NCK2: variants seen among roughly 807,000 people sequenced by gnomAD.
NCK2 encodes the protein cytoplasmic protein NCK2.
NCK2 carries 16 observed loss-of-function variants against 33.9 expected under a neutral mutation model. That is an observed-to-expected ratio of 0.47 (90% CI 0.32 to 0.72). The LOEUF is 0.72. Among genes scored for constraint, NCK2 ranks in the 30% least tolerant of loss-of-function variants. The pLI, the probability that NCK2 is intolerant of heterozygous loss-of-function variation, is 0.03. For synonymous variants in NCK2, 273 were observed against 239.9 expected (o/e 1.14, Z -1.27); for missense variants, 418 against 537.3 (o/e 0.78, Z 2.19).
At chr2:105,748,720 A>G (rs551476081) in intron 1 of NCK2, among the ~76,000 whole-genome samples, 149 of 152,210 alleles carry the variant, frequency 9.8e-4, no homozygotes, top group Admixed American at 2.2e-3. Context: ...ACCCTGCCCT[A>G]TGGTTTTTTT....
intron 3 of NCK2, 79 bp from the exon 4 acceptor site, chr2:105,881,249 G>A: frequency 1.3e-6 from 2 of 1,502,904 alleles, no homozygotes; most frequent in South Asian, 1.3e-5. Flanking sequence ...CAGAGAAACT[G>A]CGTGGAAATC....
At chr2:105,858,595 G>A (rs925318439) in intron 3 of NCK2, among the ~76,000 whole-genome samples, 2 of 152,042 alleles carry the variant, frequency 1.3e-5, no homozygotes, top group African/African-American at 4.8e-5. Context: ...AAATGGCACC[G>A]GCCTCCCCAG....
At chr2:105,754,215 C>T (rs1051707328) in intron 1 of NCK2, among the ~76,000 whole-genome samples, 8 of 152,206 alleles carry the variant, frequency 5.3e-5, no homozygotes, top group Non-Finnish European at 7.3e-5. Flanking sequence ...CACTTCTACA[C>T]GTAGCAGGTT....
rs183184299 is a variant in NCK2, at chr2:105,831,793, T to A, written c.-17+15180T>A. Among the ~76,000 whole-genome samples, 17 of 152,330 alleles carry A rather than the reference T, an allele frequency of 1.1e-4. No homozygotes were observed. In the East Asian group the frequency reaches 3.3e-3, roughly 29 times the overall value. On this transcript the variant is annotated intron_variant, in intron 2 of 4. Transcript: ENST00000233154. ...CAATACGATGCTGTTTTGATTACTATAGCTTGTAGTATATTTTGAAGTCAT... is the reference window on the plus strand; with the variant it reads ...CAATACGATGCTGTTTTGATTACTAAAGCTTGTAGTATATTTTGAAGTCAT...
intron 1 of NCK2, among the ~76,000 whole-genome samples, chr2:105,752,139 G>A (rs977391257): frequency 1.3e-5 from 2 of 152,142 alleles, no homozygotes; most frequent in Non-Finnish European, 2.9e-5. Context: ...TTGGCCACAC[G>A]CGACTAGTGG....
intron 2 of NCK2, among the ~76,000 whole-genome samples, chr2:105,838,323 T>G (rs1475090791): frequency 6.9e-6 from 1 of 144,636 alleles, no homozygotes; most frequent in East Asian, 2.0e-4. Context: ...TTTTTTTTTT[T>G]GGCCAGGTAA....
chr2:105,782,596 T>C (rs1258577856), intron 1 of NCK2, among the ~76,000 whole-genome samples: 1 of 152,236 alleles, frequency 6.6e-6, no homozygotes, highest in Non-Finnish European at 1.5e-5. Flanking sequence ...TTTAGTACTT[T>C]TTATTTTGTT....
intron 1 of NCK2, among the ~76,000 whole-genome samples, chr2:105,759,668 A>G (rs984570459): frequency 2.0e-5 from 3 of 152,144 alleles, no homozygotes; most frequent in African/African-American, 4.8e-5. Context: ...TGTTAAGTCC[A>G]TAGTTTATTT....
intron 1 of NCK2, among the ~76,000 whole-genome samples, chr2:105,783,219 C>A (rs909327299): frequency 6.6e-6 from 1 of 152,200 alleles, no homozygotes; most frequent in Non-Finnish European, 1.5e-5. Flanking sequence ...GATATGTAAT[C>A]TTTTGAAGAT....
chr2:105,754,556 C>G (rs1374313217), intron 1 of NCK2, among the ~76,000 whole-genome samples: 2 of 152,136 alleles, frequency 1.3e-5, no homozygotes, highest in Non-Finnish European at 1.5e-5. Flanking sequence ...TCATGCTTTC[C>G]CTCTCATCAG....
chr2:105,788,226 G>A (rs1690749722), intron 1 of NCK2, among the ~76,000 whole-genome samples: 1 of 152,142 alleles, frequency 6.6e-6, no homozygotes, highest in African/African-American at 2.4e-5. Context: ...GAAAACCTAG[G>A]TACTAGTGCT....
chr2:105,829,925 GTTTTT>G (rs1009691496), intron 2 of NCK2, among the ~76,000 whole-genome samples: 10 of 101,680 alleles, frequency 9.8e-5, no homozygotes, highest in African/African-American at 7.0e-4. Flanking sequence ...TTCTCTTTTT[GTTTTT>G]TTGAGTTGAT....
chr2:105,768,224 TGCCCTCACA>T lies in NCK2; in HGVS notation c.-201+23089_-201+23097del, dbSNP rs553079633. The stretch of plus-strand genomic sequence containing the variant: ...CTGTCTGTAGAGTCCAGTGTGTGTT[TGCCCTCACA>T]GCAAGACATAGCTGGACTCACCACC... On this transcript the variant is annotated intron_variant, in intron 1 of 4. Coordinates refer to ENST00000233154, the MANE Select transcript of NCK2 (RefSeq NM_003581.5). Among the ~76,000 whole-genome samples the T allele has an allele frequency of 4.4e-3, 670 of 152,364 alleles. 5 individuals carry two copies. The highest frequency in any genetic ancestry group is 0.015 in the African/African-American group (623 of 41,584).
chr2:105,825,960 G>A (rs897682714), intron 2 of NCK2, among the ~76,000 whole-genome samples: 2 of 152,176 alleles, frequency 1.3e-5, no homozygotes, highest in Non-Finnish European at 2.9e-5. Flanking sequence ...TAACCAAAGT[G>A]ATTGCATTAC....
intron 1 of NCK2, among the ~76,000 whole-genome samples, chr2:105,784,943 G>A (rs1225821549): frequency 6.6e-6 from 1 of 152,164 alleles, no homozygotes; most frequent in Non-Finnish European, 1.5e-5. Context: ...TGTTTTTTAT[G>A]TGTTTTTTTG....
At chr2:105,775,501 C>G (rs1056975702) in intron 1 of NCK2, among the ~76,000 whole-genome samples, 1 of 152,026 alleles carries the variant, frequency 6.6e-6, no homozygotes, top group Non-Finnish European at 1.5e-5. Flanking sequence ...TTATTTTTTT[C>G]AGTTGTCATT....
chr2:105,856,296 T>C (rs1677268342), intron 3 of NCK2, among the ~76,000 whole-genome samples: 1 of 150,564 alleles, frequency 6.6e-6, no homozygotes, highest in Non-Finnish European at 1.5e-5. Context: ...GCGAGGACTT[T>C]TTTGAAGAAT....
intron 4 of NCK2, among the ~76,000 whole-genome samples, chr2:105,891,561 T>TAGATAGAG: frequency 9.8e-5 from 1 of 10,218 alleles, no homozygotes; most frequent in Admixed American, 9.4e-4. Context: ...TTTTTTTTTT[T>TAGATAGAG]TTTTTTTGAG....
intron 2 of NCK2, among the ~76,000 whole-genome samples, chr2:105,826,397 A>T (rs558482456): frequency 5.4e-4 from 82 of 152,194 alleles, no homozygotes; most frequent in African/African-American, 2.0e-3. Context: ...ACAAAGCCTA[A>T]CCCCACCACC....
Sources: gnomAD v4.1 joint callset for allele counts (sites outside exome capture counted in the v4.1 genomes callset) on GRCh38, gnomAD v4.1.1 for gene constraint, MANE v1.5 for transcripts, NCBI Gene and HGNC (gene_info 2026-07-23, HGNC 2026-07-21) for gene names.